Variants in WDFY1 observed in about 807,000 individuals in gnomAD.
The protein encoded by WDFY1 is WD repeat and FYVE domain containing 1.
A neutral mutation model predicts 56.4 loss-of-function variants in WDFY1; 32 were observed. The ratio of observed to expected loss-of-function variants is 0.57; its 90% confidence interval spans 0.43 to 0.76. WDFY1 has a LOEUF of 0.76. Among genes scored for constraint, WDFY1 ranks in the 30% least tolerant of loss-of-function variants. WDFY1 has a pLI of 0.00. For synonymous variants in WDFY1, 192 were observed against 197.3 expected (o/e 0.97, Z 0.23); for missense variants, 480 against 545.7 (o/e 0.88, Z 1.20).
chr2:223,904,379 G>A (rs1238996724), intron 4 of WDFY1, among the ~76,000 whole-genome samples: 1 of 152,128 alleles, frequency 6.6e-6, no homozygotes, highest in Non-Finnish European at 1.5e-5. Context: ...AGCCTCCTAA[G>A]TAGCTGGGAC....
intron 8 of WDFY1, among the ~76,000 whole-genome samples, chr2:223,886,996 A>C (rs1693184594): frequency 6.6e-6 from 1 of 152,182 alleles, no homozygotes; most frequent in Non-Finnish European, 1.5e-5. Flanking sequence ...TGCAGAAGGC[A>C]CTCACAAGTA....
At chr2:223,921,536 A>G (rs1693884752) in intron 1 of WDFY1, among the ~76,000 whole-genome samples, 1 of 152,200 alleles carries the variant, frequency 6.6e-6, no homozygotes, top group Non-Finnish European at 1.5e-5. Flanking sequence ...AAATAGGTAG[A>G]CTTACTTAAA....
At chr2:223,923,769 A>AAAT (rs1559173191) in intron 1 of WDFY1, among the ~76,000 whole-genome samples, 10 of 151,996 alleles carry the variant, frequency 6.6e-5, no homozygotes, top group Non-Finnish European at 1.0e-4. Context: ...TCAAAAAAAA[A>AAAT]AAATAAATAA....
At chr2:223,907,083 T>C (rs1693609356) in intron 3 of WDFY1, among the ~76,000 whole-genome samples, 1 of 152,074 alleles carries the variant, frequency 6.6e-6, no homozygotes, top group African/African-American at 2.4e-5. Flanking sequence ...CAAGCGATTC[T>C]TGTGCCTCAG....
At chr2:223,881,249 A>G (rs540273397) in intron 10 of WDFY1, among the ~76,000 whole-genome samples, 1 of 152,310 alleles carries the variant, frequency 6.6e-6, no homozygotes, top group African/African-American at 2.4e-5. Flanking sequence ...TGCATGTGTG[A>G]ACAAAGGTCT....
chr2:223,875,483 T>A lies in WDFY1; in HGVS notation c.*3188A>T, dbSNP rs1024193731. ...CAGGGCACCATATCTTATAGAAACA[T>A]AGCTAGTACAAGAACAAAGTGTACT... is the stretch of plus-strand genomic sequence containing the variant. On this transcript the variant is annotated 3_prime_UTR_variant, in exon 12 of 12. Coordinates refer to ENST00000233055, the MANE Select transcript of WDFY1 (RefSeq NM_020830.5). The A allele has an allele frequency of 4.0e-5, 6 of 151,870 alleles. No individual in the cohort carries two copies. Among genetic ancestry groups the A allele is most frequent in the African/African-American group, 4.8e-5 (2 of 41,356 alleles). The allele number at this position is 151,870 out of a possible 1,614,324, so 9.4% of individuals were successfully genotyped here. A position where few individuals can be genotyped will look rare whatever the true frequency, so the allele number is the denominator to read the frequency against.
At chr2:223,895,900 G>T (rs1291777202) in intron 6 of WDFY1, among the ~76,000 whole-genome samples, 1 of 152,020 alleles carries the variant, frequency 6.6e-6, no homozygotes, top group East Asian at 1.9e-4. Flanking sequence ...ACTCACACTT[G>T]TAATCCCAGC....
intron 4 of WDFY1, among the ~76,000 whole-genome samples, chr2:223,901,626 A>G (rs1693509547): frequency 6.9e-6 from 1 of 145,490 alleles, no homozygotes; most frequent in South Asian, 2.2e-4. Context: ...ATTAGAGAAC[A>G]GATTTTTTTT....
At chr2:223,942,551 C>T (rs1285831304) in intron 1 of WDFY1, among the ~76,000 whole-genome samples, 1 of 21,316 alleles carries the variant, frequency 4.7e-5, no homozygotes, top group East Asian at 5.8e-4. Context: ...TTTTTTGAGA[C>T]GGAGTCTCGC....
At chr2:223,916,649 T>C (rs1253158722) in intron 2 of WDFY1, among the ~76,000 whole-genome samples, 1 of 151,642 alleles carries the variant, frequency 6.6e-6, no homozygotes, top group African/African-American at 2.4e-5. Flanking sequence ...CATAACGGAG[T>C]TGACTCCCCA....
chr2:223,913,596 T>C (rs775249647), intron 2 of WDFY1, among the ~76,000 whole-genome samples: 5 of 152,228 alleles, frequency 3.3e-5, no homozygotes, highest in Admixed American at 6.5e-5. Context: ...TAATAAACCA[T>C]GCATACACTT....
chr2:223,876,649 G>T lies in WDFY1; in HGVS notation c.*2022C>A, dbSNP rs1380562431. 1 of 152,046 alleles carries T rather than the reference G, an allele frequency of 6.6e-6. No individual in the cohort carries two copies. Among genetic ancestry groups the T allele is most frequent in the Non-Finnish European group, 1.5e-5 (1 of 67,996 alleles). The allele number at this position is 152,046 out of a possible 1,614,324, so 9.4% of individuals were successfully genotyped here. On this transcript the variant is annotated 3_prime_UTR_variant, in exon 12 of 12. Transcript: ENST00000233055. ...TCCCATGGAACATAGGGTTTTTCAA[G>T]AATTTCTTAAAATAAAAAAGGTTTG...
chr2:223,893,747 G>A (rs1226762301), intron 8 of WDFY1, among the ~76,000 whole-genome samples: 5 of 152,130 alleles, frequency 3.3e-5, no homozygotes, highest in Non-Finnish European at 4.4e-5. Flanking sequence ...ATACTATGTC[G>A]ACATGGCCTC....
In WDFY1 at chr2:223,878,386, T is replaced by C. The variant is rs1693007005; in HGVS notation, c.*285A>G. Reference sequence around the variant, plus strand: ...ATTTTTTGTCCCCGCTAAAACTCATTTGCTAGCTCATTCTTTCACTACACA... The same window carrying C: ...ATTTTTTGTCCCCGCTAAAACTCATCTGCTAGCTCATTCTTTCACTACACA... On this transcript the variant is annotated 3_prime_UTR_variant, in exon 12 of 12. Coordinates refer to ENST00000233055, the MANE Select transcript of WDFY1 (RefSeq NM_020830.5). 1 of 287,210 alleles carries C rather than the reference T, an allele frequency of 3.5e-6. No homozygotes were observed. Among genetic ancestry groups the C allele is most frequent in the Admixed American group, 5.0e-5 (1 of 19,804 alleles). 17.8% of individuals were successfully genotyped at this position (287,210 alleles called of 1,614,324 possible). A position where few individuals can be genotyped will look rare whatever the true frequency, so the allele number is the denominator to read the frequency against.
At chr2:223,945,110 G>A (rs752466847) in intron 1 of WDFY1, 38 bp downstream of exon 1, 2 of 1,552,340 alleles carry the variant, frequency 1.3e-6, no homozygotes, top group Non-Finnish European at 1.7e-6. Context: ...CCCCGTCGTC[G>A]CGGAGTTCGG....
chr2:223,907,237 A>G (rs1461696915), intron 3 of WDFY1, among the ~76,000 whole-genome samples: 2 of 152,100 alleles, frequency 1.3e-5, no homozygotes, highest in Non-Finnish European at 2.9e-5. Flanking sequence ...TTGGCCTCCC[A>G]AAGTGCTGGG....
chr2:223,918,404 G>A (rs939974451), intron 1 of WDFY1, among the ~76,000 whole-genome samples: 1 of 152,190 alleles, frequency 6.6e-6, no homozygotes, highest in East Asian at 1.9e-4. Context: ...CGAGGCAGGC[G>A]GATCACGAGG....
At position 223,894,207 on chromosome 2, in the gene WDFY1, C is replaced by G. The variant is rs753148226; in HGVS notation, c.831+27G>C. On this transcript the variant is annotated intron_variant, in intron 8 of 11. Transcript: ENST00000233055. The stretch of plus-strand genomic sequence containing the variant: ...CAGGTTCCTGGGGGTCTCCCCCGAT[C>G]AGCCTGGACTTGCCCTTGTCTCTTA... 4.3e-6 allele frequency: 7 copies of G among 1,612,278 alleles called. No homozygotes were observed. The Admixed American group carries it at 1.0e-4, about 23-fold the overall frequency.
Position 223,929,160 on chromosome 2 carries a change from ACTT to A in WDFY1, c.138-11153_138-11151del, listed in dbSNP as rs1295730404. ...CTCCATCAGCATGTGTCCCTGTCTA[ACTT>A]CTTTTTTTTTTTCTTTCTGTTTTTT... On this transcript the variant is annotated intron_variant, in intron 1 of 11. Coordinates refer to ENST00000233055, the MANE Select transcript of WDFY1 (RefSeq NM_020830.5). 6.2e-3 allele frequency among the ~76,000 whole-genome samples: 899 copies of A among 144,082 alleles called. 8 individuals carry two copies. Among genetic ancestry groups the A allele is most frequent in the African/African-American group, 0.022 (838 of 38,648 alleles). 94.5% of individuals were successfully genotyped at this position (144,082 alleles called of 152,430 possible). A position where few individuals can be genotyped will look rare whatever the true frequency, so the allele number is the denominator to read the frequency against.
Sources: gnomAD v4.1 joint callset for allele counts (sites outside exome capture counted in the v4.1 genomes callset) on GRCh38, gnomAD v4.1.1 for gene constraint, MANE v1.5 for transcripts, NCBI Gene and HGNC (gene_info 2026-07-23, HGNC 2026-07-21) for gene names.